MLH3: variants seen among roughly 807,000 people sequenced by gnomAD.
MLH3 encodes DNA mismatch repair protein Mlh3.
In MLH3, 82 loss-of-function variants were observed where a neutral mutation model predicts 122.2. The observed-to-expected ratio is 0.67, with a 90% CI of 0.56 to 0.81. MLH3 has a LOEUF of 0.81. Among genes scored for constraint, MLH3 ranks in the 30% least tolerant of loss-of-function variants. The pLI is 0.00. For synonymous variants in MLH3, 524 were observed against 599.5 expected (o/e 0.87, Z 1.84); for missense variants, 1,539 against 1,714.5 (o/e 0.90, Z 1.81).
intron 7 of MLH3, among the ~76,000 whole-genome samples, chr14:75,032,570 T>C (rs572158908): frequency 6.6e-5 from 10 of 152,242 alleles, no homozygotes; most frequent in African/African-American, 2.4e-4. Context: ...TGGAGAGAAT[T>C]AGTACTATTC....
chr14:75,049,690 G>C lies in MLH3; in HGVS notation c.-35C>G. On this transcript the variant is annotated 5_prime_UTR_variant, in exon 2 of 13. Transcript: ENST00000355774. ...AAAGATGGTGAGAATGCCAGGCACT[G>C]GTTTCCTTCTCTGACTGGAAATAAT... 1 of 1,600,984 alleles carries C rather than the reference G, an allele frequency of 6.2e-7. No individual in the cohort carries two copies. The highest frequency in any genetic ancestry group is 1.1e-5 in the South Asian group (1 of 89,708).
chr14:75,025,653 C>T (rs553966598), intron 9 of MLH3, among the ~76,000 whole-genome samples: 1 of 152,270 alleles, frequency 6.6e-6, no homozygotes, highest in East Asian at 1.9e-4. Flanking sequence ...GGCCCTTCTC[C>T]AGCTTCTGAT....
In MLH3 at chr14:75,048,514, C is replaced by A. The variant is rs751375245; in HGVS notation, c.1142G>T (p.Arg381Leu). Residue 381 changes from arginine to leucine, a missense_variant, in exon 2 of 13, where the codon CGT becomes CTT. Arg to Leu is a moderately radical substitution (Grantham distance 102). Transcript: ENST00000355774. ...ATTGCTCCTCTCATCGGAAGTCACA[C>A]GCTTCTGAAGAGTAGCATCAAATAA... ...FSLFDATLQK[R>L]VTSDERSNFQ... 6.2e-7 allele frequency: 1 copy of A among 1,613,122 alleles called. No individual in the cohort carries two copies. The highest frequency in any genetic ancestry group is 1.3e-5 in the African/African-American group (1 of 74,838).
In MLH3 at chr14:75,049,021, C is replaced by A; in HGVS notation, c.635G>T (p.Cys212Phe). The part of the protein sequence containing the change: ...PKTKDVCSRF[C>F]QIYGLGKSQK... ...GGACTTTCCCAATCCATAAATTTGA[C>A]AAAATCGGGAACATACGTCTTTGGT... Residue 212 changes from cysteine (C) to phenylalanine (F), a missense_variant, in exon 2 of 13, where the codon TGT becomes TTT. Transcript: ENST00000355774. 6.2e-7 allele frequency: 1 copy of A among 1,614,064 alleles called. No individual in the cohort carries two copies.
At chr14:75,036,481 AT>A (rs1313579911) in intron 6 of MLH3, 1 of 349,428 alleles carries the variant, frequency 2.9e-6, no homozygotes, top group Non-Finnish European at 5.7e-6. Flanking sequence ...AGTAGCTGGG[AT>A]TACAGGCATC....
At chr14:75,045,305 G>C (rs1038669367) in intron 2 of MLH3, among the ~76,000 whole-genome samples, 6 of 152,312 alleles carry the variant, frequency 3.9e-5, no homozygotes, top group African/African-American at 1.2e-4. Flanking sequence ...ACTCCAGCCT[G>C]GGCAACAAGA....
rs747037459 is a variant in MLH3 at position 75,048,266 on chromosome 14, A to G, written c.1390T>C (p.Ser464Pro). Reference sequence around the variant, plus strand: ...TCTAACATCTTTGATTCTGAGCAAGAGCTGTCTTTGTTTTGTAAAGATGGC... The same window carrying G: ...TCTAACATCTTTGATTCTGAGCAAGGGCTGTCTTTGTTTTGTAAAGATGGC... ...TEPSLQNKDS[S>P]CSESKMLEQE... The change falls in exon 2 of 13, where the codon TCT becomes CCT. Residue 464 changes from serine to proline, a missense_variant. By Grantham distance (74) the Ser-to-Pro change is moderately conservative. Transcript: ENST00000355774. The G allele has an allele frequency of 6.8e-6, 11 of 1,613,806 alleles. No individual in the cohort carries two copies. Among genetic ancestry groups the G allele is most frequent in the Non-Finnish European group, 9.3e-6 (11 of 1,180,000 alleles).
rs1224865330 is a variant in MLH3, at chr14:75,047,687, C to A, written c.1969G>T (p.Asp657Tyr). The A allele has an allele frequency of 6.2e-7, 1 of 1,614,040 alleles. No homozygotes were observed. The highest frequency in any genetic ancestry group is 8.5e-7 in the Non-Finnish European group (1 of 1,179,992). The change falls in exon 2 of 13, where the codon GAT becomes TAT. Residue 657 changes from aspartate to tyrosine, a missense_variant. By Grantham distance (160) the Asp-to-Tyr change is radical. Coordinates refer to ENST00000355774, the MANE Select transcript of MLH3 (RefSeq NM_001040108.2). ...RHSVETPDIK[D>Y]LASTLSKESG... ...TCTTTACTTAAAGTGCTGGCTAAAT[C>A]TTTGATGTCTGGAGTTTCAACTGAA...
chr14:75,046,996 G>A lies in MLH3; in HGVS notation c.2660C>T (p.Thr887Ile), dbSNP rs1595084498. ...LSRLKGSERE[T>I]QTMGMMSRFN... ...ACGACTCATCATCCCCATTGTTTGA[G>A]TTTCTCTTTCGGAACCCTTCAGTCT... The change falls in exon 2 of 13, where the codon ACT becomes ATT. Residue 887 changes from threonine (T) to isoleucine (I), a missense_variant. Coordinates refer to ENST00000355774, the MANE Select transcript of MLH3 (RefSeq NM_001040108.2). 6.2e-7 allele frequency: 1 copy of A among 1,614,154 alleles called. No individual in the cohort carries two copies. Among genetic ancestry groups the A allele is most frequent in the Non-Finnish European group, 8.5e-7 (1 of 1,180,026 alleles).
intron 11 of MLH3, 112 bp downstream of exon 11, chr14:75,022,702 T>C: frequency 1.1e-6 from 1 of 945,428 alleles, no homozygotes; most frequent in African/African-American, 1.6e-5. Flanking sequence ...CTAAATTGTA[T>C]TCTCCAAGAG....
Position 75,015,637 on chromosome 14 carries a change from T to TTA in MLH3, c.*1443_*1444dup, listed in dbSNP as rs1224996189. 1 of 194,070 alleles carries TTA rather than the reference T, an allele frequency of 5.2e-6. No homozygotes were observed. Among genetic ancestry groups the TTA allele is most frequent in the Non-Finnish European group, 1.1e-5 (1 of 93,140 alleles). The allele number at this position is 194,070 out of a possible 1,614,324, so 12.0% of individuals were successfully genotyped here. A position where few individuals can be genotyped will look rare whatever the true frequency, so the allele number is the denominator to read the frequency against. On this transcript the variant is annotated 3_prime_UTR_variant, in exon 13 of 13. Transcript: ENST00000355774. ...GTCTTCCCATCTATAAAACATCCGT[T>TTA]TATATGTATTTAGAAGAATAAAAGC...
At chr14:75,043,919 G>A (rs569926775) in intron 2 of MLH3, among the ~76,000 whole-genome samples, 22 of 152,156 alleles carry the variant, frequency 1.4e-4, no homozygotes, top group Middle Eastern at 3.4e-3. Flanking sequence ...GAGAAATCCC[G>A]TCTCTACTAA....
At chr14:75,026,573 A>G (rs1890642420) in intron 9 of MLH3, among the ~76,000 whole-genome samples, 1 of 152,206 alleles carries the variant, frequency 6.6e-6, no homozygotes, top group Non-Finnish European at 1.5e-5. Context: ...TTTCCAAGAG[A>G]CAAGAGAGAG....
chr14:75,039,263 A>G (rs1181749695), intron 5 of MLH3, among the ~76,000 whole-genome samples: 1 of 152,088 alleles, frequency 6.6e-6, no homozygotes, highest in Non-Finnish European at 1.5e-5. Flanking sequence ...AGCCTATACC[A>G]CTGCCCCAGG....
intron 12 of MLH3, among the ~76,000 whole-genome samples, chr14:75,018,182 CA>C (rs1890026049): frequency 3.3e-5 from 5 of 152,078 alleles, no homozygotes; most frequent in Admixed American, 2.0e-4. Context: ...TGGAAAGCAG[CA>C]ACAGGGACAT....
intron 9 of MLH3, 50 bp downstream of exon 9, chr14:75,030,493 G>A (rs774829527): frequency 5.8e-6 from 9 of 1,550,598 alleles, no homozygotes; most frequent in Admixed American, 5.0e-5. Flanking sequence ...GACAAAATAT[G>A]AGGTTACCAT....
intron 3 of MLH3, among the ~76,000 whole-genome samples, 192 bp from the exon 4 acceptor site, chr14:75,041,892 ACTGTAT>A (rs1446606833): frequency 5.3e-5 from 8 of 152,250 alleles, no homozygotes; most frequent in African/African-American, 1.9e-4. Flanking sequence ...AGAGTTGGTG[ACTGTAT>A]CTTCTGGCAT....
In MLH3 at chr14:75,046,782, A is replaced by G. The variant is rs751843650; in HGVS notation, c.2874T>C (p.Asn958=). ...CTGATATCACACAGTTCTCTGTTGT[A>G]TTGCTGTTAGAATGTGTTTTACTAT... ...NKNSKTHSNS[N]TTENCVISET... The change falls in exon 2 of 13, where the codon AAT becomes AAC. Residue 958 remains asparagine, a synonymous_variant. Coordinates refer to ENST00000355774, the MANE Select transcript of MLH3 (RefSeq NM_001040108.2). The G allele has an allele frequency of 6.8e-6, 11 of 1,614,074 alleles. 1 individual carries two copies. Among genetic ancestry groups the G allele is most frequent in the Non-Finnish European group, 7.6e-6 (9 of 1,180,022 alleles).
chr14:75,031,378 G>A (rs1891037855), intron 8 of MLH3, among the ~76,000 whole-genome samples: 1 of 152,144 alleles, frequency 6.6e-6, no homozygotes. Context: ...AGCAGAATGG[G>A]ACCAATTACT....
Sources: allele counts gnomAD v4.1 joint callset (sites outside exome capture counted in the v4.1 genomes callset), GRCh38; gene constraint gnomAD v4.1.1; transcripts MANE v1.5; gene names NCBI Gene and HGNC (gene_info 2026-07-23, HGNC 2026-07-21).